The following NPFFR1 variants were observed in gnomAD, a reference collection of about 807,000 sequenced individuals.
NPFFR1 encodes the protein G-protein coupled receptor 147.
In NPFFR1, 17 loss-of-function variants were observed where a neutral mutation model predicts 12.7. The observed-to-expected ratio is 1.34, with a 90% CI of 0.92 to 2.01. NPFFR1 has a LOEUF of 2.01. NPFFR1 is among the 30% of genes most tolerant of loss of function. NPFFR1 has a pLI of 0.00. For synonymous variants in NPFFR1, 296 were observed against 264.5 expected (o/e 1.12, Z -1.16); for missense variants, 604 against 606.5 (o/e 1.00, Z 0.04).
At chr10:70,277,879 C>T (rs941945499) in intron 1 of NPFFR1, 1 of 504,862 alleles carries the variant, frequency 2.0e-6, no homozygotes, top group African/African-American at 1.9e-5. Context: ...CCCGGCTAAC[C>T]ATAGCAACTC....
rs992541154 is a variant in NPFFR1 at position 70,266,132 on chromosome 10, G to A, written c.267C>T (p.Asp89=). The change falls in exon 2 of 4, where the codon GAC becomes GAT. Residue 89 remains aspartate, a synonymous_variant. Coordinates refer to ENST00000277942, the MANE Select transcript of NPFFR1 (RefSeq NM_022146.5). ...NMFILNLAVS[D]LLVGIFCMPT... ...GCATGCAGAAGATGCCCACCAGCAG[G>A]TCACTGACAGCCAGGTTGAGGATGA... The A allele has an allele frequency of 1.9e-6, 3 of 1,613,938 alleles. No individual in the cohort carries two copies. The highest frequency in any genetic ancestry group is 2.5e-6 in the Non-Finnish European group (3 of 1,179,912).
chr10:70,277,720 C>T (rs552889298), intron 1 of NPFFR1, among the ~76,000 whole-genome samples: 29 of 152,198 alleles, frequency 1.9e-4, no homozygotes, highest in African/African-American at 7.0e-4. Flanking sequence ...GTGGAGGCCC[C>T]TGGGGGCTCC....
At chr10:70,264,618 G>A (rs528335130) in intron 2 of NPFFR1, among the ~76,000 whole-genome samples, 3 of 152,140 alleles carry the variant, frequency 2.0e-5, no homozygotes, top group Non-Finnish European at 2.9e-5. Context: ...TTTTAAGTGG[G>A]GTGTGGTGGG....
Position 70,275,492 on chromosome 10 carries a change from G to A in NPFFR1, c.7+8178C>T, listed in dbSNP as rs138981166. Among the ~76,000 whole-genome samples, 551 of 152,226 alleles carry A rather than the reference G, an allele frequency of 3.6e-3. 4 individuals carry two copies. The highest frequency in any genetic ancestry group is 0.012 in the African/African-American group (515 of 41,538). On this transcript the variant is annotated intron_variant, in intron 1 of 3. Transcript: ENST00000277942. ...AACATATGCCCTGGAGCACCTTTCC[G>A]GGTTCAATGGCTGGCTGCTTCCTCA...
chr10:70,272,055 T>C (rs1463528646), intron 1 of NPFFR1, among the ~76,000 whole-genome samples: 3 of 150,508 alleles, frequency 2.0e-5, no homozygotes, highest in African/African-American at 4.9e-5. Flanking sequence ...AGGTGGAGGT[T>C]GCAATGAGCT....
At chr10:70,275,328 A>G (rs1029001286) in intron 1 of NPFFR1, among the ~76,000 whole-genome samples, 4 of 152,220 alleles carry the variant, frequency 2.6e-5, no homozygotes, top group African/African-American at 9.6e-5. Context: ...CCTTTATCAC[A>G]TACTGAGCCT....
intron 1 of NPFFR1, among the ~76,000 whole-genome samples, chr10:70,268,550 T>C (rs1840719520): frequency 6.6e-6 from 1 of 152,192 alleles, no homozygotes; most frequent in Non-Finnish European, 1.5e-5. Context: ...GCAGCTGCTG[T>C]AGTTATCTGC....
intron 2 of NPFFR1, among the ~76,000 whole-genome samples, chr10:70,263,812 A>G (rs79032273): frequency 2.0e-5 from 3 of 151,424 alleles, no homozygotes; most frequent in African/African-American, 7.4e-5. Flanking sequence ...CAAAACAAAA[A>G]GAAAGAAAGG....
chr10:70,254,105 T>C lies in NPFFR1; in HGVS notation c.*852A>G, dbSNP rs1352868930. The stretch of plus-strand genomic sequence containing the variant: ...GGAAAATGCATACCGTGCTTCCCCT[T>C]CCTCGTTGTCTATGAGTACGTAAAA... On this transcript the variant is annotated 3_prime_UTR_variant, in exon 4 of 4. Coordinates refer to ENST00000277942, the MANE Select transcript of NPFFR1 (RefSeq NM_022146.5). 1 of 152,230 alleles carries C rather than the reference T, an allele frequency of 6.6e-6. No homozygotes were observed. The highest frequency in any genetic ancestry group is 1.5e-5 in the Non-Finnish European group (1 of 68,056). 9.4% of individuals were successfully genotyped at this position (152,230 alleles called of 1,614,324 possible).
chr10:70,257,184 C>T (rs186090260), intron 3 of NPFFR1, among the ~76,000 whole-genome samples: 15 of 152,184 alleles, frequency 9.9e-5, no homozygotes, highest in African/African-American at 3.6e-4. Context: ...TCACTTGAGT[C>T]CAGGAGTGTA....
intron 3 of NPFFR1, among the ~76,000 whole-genome samples, chr10:70,258,138 T>A (rs946756588): frequency 1.3e-5 from 2 of 152,160 alleles, no homozygotes; most frequent in African/African-American, 4.8e-5. Flanking sequence ...ATACTTTGTC[T>A]CTGCGTCTTA....
Position 70,254,979 on chromosome 10 carries a change from G to C in NPFFR1, c.1271C>G (p.Thr424Ser). The change falls in exon 4 of 4, where the codon ACC becomes AGC. Residue 424 changes from threonine (T) to serine (S), a missense_variant. By Grantham distance (58) the Thr-to-Ser change is moderately conservative. Coordinates refer to ENST00000277942, the MANE Select transcript of NPFFR1 (RefSeq NM_022146.5). ...CCCTCAGATATCCCAGGCTGGAATGGTGAGGGGCAGGTGGGAGCAGCCAGG... is the reference window on the plus strand; with the variant it reads ...CCCTCAGATATCCCAGGCTGGAATGCTGAGGGGCAGGTGGGAGCAGCCAGG... ...EGPGCSHLPL[T>S]IPAWDI 1 of 1,440,112 alleles carries C rather than the reference G, an allele frequency of 6.9e-7. No homozygotes were observed. The highest frequency in any genetic ancestry group is 1.5e-5 in the South Asian group (1 of 66,316). The allele number at this position is 1,440,112 out of a possible 1,614,324, so 89.2% of individuals were successfully genotyped here.
At chr10:70,266,804 A>C (rs751162619) in intron 1 of NPFFR1, among the ~76,000 whole-genome samples, 1 of 152,176 alleles carries the variant, frequency 6.6e-6, no homozygotes, top group Non-Finnish European at 1.5e-5. Flanking sequence ...GCAGAGAGAG[A>C]GGTCAGGGTG....
In NPFFR1 at chr10:70,255,797, C is replaced by T. The variant is rs773374502; in HGVS notation, c.453G>A (p.Glu151=). The T allele has an allele frequency of 8.7e-6, 14 of 1,610,554 alleles. No homozygotes were observed. The highest frequency in any genetic ancestry group is 1.1e-5 in the Non-Finnish European group (13 of 1,178,638). The change falls in exon 4 of 4, where the codon GAG becomes GAA. Residue 151 remains glutamate, a synonymous_variant. Coordinates refer to ENST00000277942, the MANE Select transcript of NPFFR1 (RefSeq NM_022146.5). The surrounding 1 kb of genome is among the most constrained non-coding windows in gnomAD (Gnocchi z 4.2). ...RFRCIVHPFR[E]KLTLRKALVT... ...CGAGCGCCTTCCGCAGGGTCAGCTTCTCGCGGAAAGGGTGCACGATGCAGC... is the reference window on the plus strand; with the variant it reads ...CGAGCGCCTTCCGCAGGGTCAGCTTTTCGCGGAAAGGGTGCACGATGCAGC...
At chr10:70,266,053 C>T in intron 2 of NPFFR1, 24 bp downstream of exon 2, 1 of 1,604,858 alleles carries the variant, frequency 6.2e-7, no homozygotes, top group South Asian at 1.1e-5. Flanking sequence ...GGGGACACTC[C>T]TGCTGCCAAC....
At chr10:70,257,890 C>T (rs1350338180) in intron 3 of NPFFR1, among the ~76,000 whole-genome samples, 3 of 152,200 alleles carry the variant, frequency 2.0e-5, no homozygotes, top group Non-Finnish European at 4.4e-5. Flanking sequence ...ATAAATCTGG[C>T]TTACGTGCAC....
intron 1 of NPFFR1, among the ~76,000 whole-genome samples, chr10:70,283,228 T>A (rs1392325669): frequency 6.6e-6 from 1 of 151,110 alleles, no homozygotes; most frequent in Non-Finnish European, 1.5e-5. Flanking sequence ...TCTCACTCTC[T>A]CTCTCTCTCT....
intron 3 of NPFFR1, among the ~76,000 whole-genome samples, chr10:70,258,406 A>G (rs1369959557): frequency 6.6e-6 from 1 of 152,072 alleles, no homozygotes; most frequent in Non-Finnish European, 1.5e-5. Context: ...TGGTTCAAAG[A>G]CGATTGCTCA....
At position 70,255,834 on chromosome 10, in the gene NPFFR1, CG is replaced by C; in HGVS notation, c.423-8del. 1 of 1,601,350 alleles carries C rather than the reference CG, an allele frequency of 6.2e-7. No individual in the cohort carries two copies. The highest frequency in any genetic ancestry group is 8.5e-7 in the Non-Finnish European group (1 of 1,173,808). Reference sequence around the variant, plus strand: ...GTGCACGATGCAGCGGAACCTGCCGCGGGGAGAGAGACAGGCGGGATCTGGG... The same window carrying C: ...GTGCACGATGCAGCGGAACCTGCCGCGGGAGAGAGACAGGCGGGATCTGGG... On this transcript the variant is annotated splice_polypyrimidine_tract_variant and splice_region_variant and intron_variant, in intron 3 of 3. Coordinates refer to ENST00000277942, the MANE Select transcript of NPFFR1 (RefSeq NM_022146.5). The surrounding 1 kb of genome is among the most constrained non-coding windows in gnomAD (Gnocchi z 4.2).
Sources: gnomAD v4.1 joint callset for allele counts (sites outside exome capture counted in the v4.1 genomes callset) on GRCh38, gnomAD v4.1.1 for gene constraint, Gnocchi (gnomAD v3.1) non-coding constraint, MANE v1.5 for transcripts, NCBI Gene and HGNC (gene_info 2026-07-23, HGNC 2026-07-21) for gene names.